Variants in TBC1D23 observed in about 807,000 individuals in gnomAD.
TBC1D23 encodes the protein HCV non-structural protein 4A-transactivated protein 1.
Under a neutral mutation model 91.4 loss-of-function variants are expected in TBC1D23, and 55 were observed. That is an observed-to-expected ratio of 0.60 (90% confidence interval 0.48 to 0.75). TBC1D23 has a LOEUF of 0.75. TBC1D23 is among the 30% of genes least tolerant of loss of function. TBC1D23 has a pLI of 0.00. For synonymous variants in TBC1D23, 289 were observed against 281.0 expected (o/e 1.03, Z -0.28); for missense variants, 725 against 836.1 (o/e 0.87, Z 1.64).
intron 1 of TBC1D23, among the ~76,000 whole-genome samples, chr3:100,263,592 AG>A (rs2067532415): frequency 6.6e-6 from 1 of 152,268 alleles, no homozygotes; most frequent in South Asian, 2.1e-4. Context: ...AAGAGAAAAA[AG>A]AAAAATAGAT....
chr3:100,299,319 A>C lies in TBC1D23; in HGVS notation c.1080A>C (p.Leu360Phe), dbSNP rs749022925. Residue 360 changes from leucine (L) to phenylalanine (F), a missense_variant, in exon 10 of 19, where the codon TTA (leucine) becomes TTC (phenylalanine). By Grantham distance (22) the Leu-to-Phe change is conservative. Coordinates refer to ENST00000394144, the MANE Select transcript of TBC1D23 (RefSeq NM_001199198.3). ...GGCATTTATCAACTGCTTTCCACTT[A>C]GATTCAGACCTGGTTAGTATAAATG... ...NAGHLSTAFHLDSDLMLQNPS... is the reference protein window; with the variant it reads ...NAGHLSTAFHFDSDLMLQNPS... 6.2e-7 allele frequency: 1 copy of C among 1,604,534 alleles called. No individual in the cohort carries two copies. The highest frequency in any genetic ancestry group is 1.1e-5 in the South Asian group (1 of 90,832).
intron 1 of TBC1D23, among the ~76,000 whole-genome samples, chr3:100,268,948 T>G (rs1000215514): frequency 6.6e-6 from 1 of 152,214 alleles, no homozygotes; most frequent in Admixed American, 6.5e-5. Flanking sequence ...AAACGTTTTT[T>G]GTGTATCTTT....
intron 1 of TBC1D23, among the ~76,000 whole-genome samples, chr3:100,274,840 GATAA>G (rs952601638): frequency 1.4e-5 from 2 of 147,550 alleles, no homozygotes; most frequent in Admixed American, 6.8e-5. Flanking sequence ...TATATAATAT[GATAA>G]ATATATAATA....
intron 1 of TBC1D23, among the ~76,000 whole-genome samples, chr3:100,274,609 A>C (rs1028937914): frequency 6.6e-6 from 1 of 151,696 alleles, no homozygotes; most frequent in Non-Finnish European, 1.5e-5. Flanking sequence ...CTCTAAATTT[A>C]CTACTCTAGG....
At chr3:100,266,420 C>T (rs1279347474) in intron 1 of TBC1D23, among the ~76,000 whole-genome samples, 1 of 152,100 alleles carries the variant, frequency 6.6e-6, no homozygotes, top group Non-Finnish European at 1.5e-5. Context: ...AGGCATGTGC[C>T]ACCATGCCCG....
intron 1 of TBC1D23, among the ~76,000 whole-genome samples, chr3:100,269,206 A>G (rs1362331523): frequency 6.6e-6 from 1 of 152,354 alleles, no homozygotes; most frequent in East Asian, 1.9e-4. Flanking sequence ...TGAAGCCAAG[A>G]GGACTAGATT....
intron 4 of TBC1D23, among the ~76,000 whole-genome samples, chr3:100,285,123 T>G (rs1335581529): frequency 3.9e-5 from 6 of 152,232 alleles, no homozygotes; most frequent in Non-Finnish European, 8.8e-5. Context: ...ATAACGACTT[T>G]ATTGAGATAT....
rs968554906 is a variant in TBC1D23, at chr3:100,285,451, C to T, written c.476+1640C>T. Among the ~76,000 whole-genome samples, 9 of 152,036 alleles carry T rather than the reference C, an allele frequency of 5.9e-5. No homozygotes were observed. In the East Asian group the frequency reaches 7.7e-4, roughly 13 times the overall value. ...TTTTTGCCAAATTTTTTATTGTATG[C>T]GTATACCGCATTTTATTTACCTATT... is the stretch of plus-strand genomic sequence containing the variant. On this transcript the variant is annotated intron_variant, in intron 4 of 18. Transcript: ENST00000394144.
chr3:100,281,876 G>C, intron 3 of TBC1D23, 29 bp downstream of exon 3: 2 of 1,428,660 alleles, frequency 1.4e-6, no homozygotes, highest in Non-Finnish European at 1.9e-6. Flanking sequence ...TTCAAGCAGA[G>C]TTAAATTTTG....
At chr3:100,296,485 T>C (rs1576173649) in intron 8 of TBC1D23, among the ~76,000 whole-genome samples, 1 of 152,218 alleles carries the variant, frequency 6.6e-6, no homozygotes, top group South Asian at 2.1e-4. Context: ...GCATCTTACC[T>C]CTCTTCTGAT....
intron 18 of TBC1D23, 115 bp from the exon 19 acceptor site, chr3:100,323,472 G>A: frequency 5.2e-6 from 2 of 381,460 alleles, no homozygotes; most frequent in Non-Finnish European, 8.5e-6. Context: ...GTTAGGGAAA[G>A]CTTCCCATTG....
At chr3:100,322,151 T>A (rs1705869263) in intron 18 of TBC1D23, among the ~76,000 whole-genome samples, 1 of 152,130 alleles carries the variant, frequency 6.6e-6, no homozygotes, top group African/African-American at 2.4e-5. Flanking sequence ...TAGAGTGCAG[T>A]GTTGCAATCA....
intron 4 of TBC1D23, among the ~76,000 whole-genome samples, chr3:100,287,055 C>A (rs367663361): frequency 6.6e-6 from 1 of 152,090 alleles, no homozygotes; most frequent in Non-Finnish European, 1.5e-5. Context: ...TCAAGTGATC[C>A]GCCCCCTTCG....
Position 100,290,033 on chromosome 3 carries a change from G to A in TBC1D23, c.477-545G>A, listed in dbSNP as rs113634589. Among the ~76,000 whole-genome samples the A allele has an allele frequency of 8.6e-4, 131 of 152,232 alleles. 1 individual carries two copies. Among genetic ancestry groups the A allele is most frequent in the African/African-American group, 3.0e-3 (124 of 41,530 alleles). ...CTCTCACAATAACCCTTAGAAGTAG[G>A]ACAGTTATTGAACAAGATGAGTATT... On this transcript the variant is annotated intron_variant, in intron 4 of 18. Coordinates refer to ENST00000394144, the MANE Select transcript of TBC1D23 (RefSeq NM_001199198.3).
At chr3:100,307,668 C>CT (rs1485973947) in intron 13 of TBC1D23, among the ~76,000 whole-genome samples, 1 of 152,188 alleles carries the variant, frequency 6.6e-6, no homozygotes, top group Non-Finnish European at 1.5e-5. Context: ...ATTTGATACT[C>CT]TTATTTTTAA....
At chr3:100,279,599 GAA>G in intron 1 of TBC1D23, 48 bp from the exon 2 acceptor site, 1 of 1,253,830 alleles carries the variant, frequency 8.0e-7, no homozygotes. Flanking sequence ...TCTTGAATAA[GAA>G]AAAGTATGAG....
At chr3:100,310,293 A>G (rs1358227333) in intron 13 of TBC1D23, 110 bp from the exon 14 acceptor site, 18 of 956,670 alleles carry the variant, frequency 1.9e-5, no homozygotes, top group Non-Finnish European at 2.8e-5. Context: ...GGACTTCAAC[A>G]TATGATTTTG....
At chr3:100,304,775 GT>G in intron 11 of TBC1D23, 70 bp from the exon 12 acceptor site, 1 of 784,778 alleles carries the variant, frequency 1.3e-6, no homozygotes. Context: ...ATTTATCAGT[GT>G]TTTAGAACTA....
At chr3:100,281,075 A>C (rs2067690053) in intron 2 of TBC1D23, among the ~76,000 whole-genome samples, 3 of 152,050 alleles carry the variant, frequency 2.0e-5, no homozygotes, top group Non-Finnish European at 4.4e-5. Context: ...CAGGAGAATC[A>C]CTTGAACCCG....
Sources: gnomAD v4.1 joint callset for allele counts (sites outside exome capture counted in the v4.1 genomes callset) on GRCh38, gnomAD v4.1.1 for gene constraint, MANE v1.5 for transcripts, NCBI Gene and HGNC (gene_info 2026-07-23, HGNC 2026-07-21) for gene names.